Variants in MAGI1 observed in about 807,000 individuals in gnomAD.
MAGI1 encodes the protein membrane associated guanylate kinase, WW and PDZ domain containing 1.
In MAGI1, 58 loss-of-function variants were observed where a neutral mutation model predicts 139.9. The observed-to-expected ratio is 0.41, with a 90% CI of 0.34 to 0.52. The LOEUF (loss-of-function observed/expected upper bound fraction) is 0.52, where lower values mean the gene tolerates loss of function less well. Ranked by LOEUF, MAGI1 falls within the 20% of genes least tolerant of loss-of-function variation. MAGI1 has a pLI of 0.12. For synonymous variants in MAGI1, 812 were observed against 737.9 expected, an observed-to-expected ratio of 1.10 and a Z score of -1.63; for missense variants, 1,874 against 1,901.6, an observed-to-expected ratio of 0.99 and a Z score of 0.27.
intron 1 of MAGI1, among the ~76,000 whole-genome samples, chr3:65,864,653 G>A (rs1238288586): frequency 1.3e-5 from 2 of 152,174 alleles, no homozygotes; most frequent in Non-Finnish European, 2.9e-5. Context: ...AGAGGAGAAG[G>A]TGAAGAATGG....
intron 4 of MAGI1, among the ~76,000 whole-genome samples, chr3:65,474,640 C>T (rs956692662): frequency 6.8e-6 from 1 of 146,312 alleles, no homozygotes; most frequent in African/African-American, 2.4e-5. Flanking sequence ...CACATGCACA[C>T]TCACTCACTC....
chr3:65,911,142 G>C (rs1209658220), intron 1 of MAGI1, among the ~76,000 whole-genome samples: 3 of 151,564 alleles, frequency 2.0e-5, no homozygotes, highest in Non-Finnish European at 2.9e-5. Context: ...ACAAGAGTGA[G>C]CCACAGCGCC....
intron 1 of MAGI1, among the ~76,000 whole-genome samples, chr3:65,985,990 C>A (rs766473350): frequency 2.6e-5 from 4 of 152,178 alleles, no homozygotes; most frequent in Non-Finnish European, 5.9e-5. Context: ...GACGTCTTCC[C>A]TAGTTGATAG....
At chr3:65,573,208 T>A (rs1045844699) in intron 2 of MAGI1, among the ~76,000 whole-genome samples, 5 of 152,036 alleles carry the variant, frequency 3.3e-5, no homozygotes, top group Non-Finnish European at 7.4e-5. Flanking sequence ...ATACAACTCA[T>A]TTTTTCTACT....
At chr3:65,625,075 G>C (rs963590738) in intron 1 of MAGI1, among the ~76,000 whole-genome samples, 18 of 152,088 alleles carry the variant, frequency 1.2e-4, no homozygotes, top group Non-Finnish European at 2.2e-4. Flanking sequence ...GTTTTACCAT[G>C]TTGGCCAGGC....
chr3:65,990,315 G>T (rs180929055), intron 1 of MAGI1, among the ~76,000 whole-genome samples: 1 of 152,190 alleles, frequency 6.6e-6, no homozygotes, highest in Non-Finnish European at 1.5e-5. Context: ...AAAAGTTAAA[G>T]ATTAGGGAGG....
chr3:65,872,297 C>T (rs2108492367), intron 1 of MAGI1, among the ~76,000 whole-genome samples: 1 of 152,286 alleles, frequency 6.6e-6, no homozygotes, highest in Middle Eastern at 3.4e-3. Flanking sequence ...TAGTAAATGG[C>T]AGAGCTAGAA....
chr3:65,548,331 C>T (rs1414668812), intron 2 of MAGI1, among the ~76,000 whole-genome samples: 1 of 152,030 alleles, frequency 6.6e-6, no homozygotes, highest in Non-Finnish European at 1.5e-5. Context: ...GGGCAGTTGG[C>T]ACACAGCTCG....
chr3:65,627,221 C>T (rs887726966), intron 1 of MAGI1, among the ~76,000 whole-genome samples: 2 of 152,098 alleles, frequency 1.3e-5, no homozygotes, highest in African/African-American at 2.4e-5. Context: ...CCAAGAGCAA[C>T]GGGCTATACC....
intron 1 of MAGI1, among the ~76,000 whole-genome samples, chr3:65,748,238 A>G (rs889601585): frequency 2.0e-5 from 3 of 152,174 alleles, no homozygotes; most frequent in Admixed American, 2.0e-4. Flanking sequence ...TTTAATATCT[A>G]TTAGGTAACA....
chr3:65,804,164 T>C (rs752142867), intron 1 of MAGI1, among the ~76,000 whole-genome samples: 5 of 152,128 alleles, frequency 3.3e-5, no homozygotes, highest in Non-Finnish European at 7.4e-5. Flanking sequence ...CATCACACTA[T>C]TAGCTCCTCC....
chr3:65,991,024 C>A (rs1262994059), intron 1 of MAGI1, among the ~76,000 whole-genome samples: 1 of 151,884 alleles, frequency 6.6e-6, no homozygotes, highest in African/African-American at 2.4e-5. Context: ...CACGGTGGCT[C>A]ACACCTGTAA....
At position 65,671,978 on chromosome 3, in the gene MAGI1, C is replaced by T. The variant is rs530029668; in HGVS notation, c.314-49890G>A. On this transcript the variant is annotated intron_variant, in intron 1 of 22. Coordinates refer to ENST00000402939, the MANE Select transcript of MAGI1 (RefSeq NM_001033057.2). ...GATACAAAATTGGGCACAATTATCA[C>T]TACAAAAAGGTTAGTTTCCACTTCA... 9.2e-5 allele frequency among the ~76,000 whole-genome samples: 14 copies of T among 152,254 alleles called. 1 individual carries two copies. In the East Asian group the frequency reaches 2.7e-3, roughly 29 times the overall value.
chr3:65,385,037 C>T (rs1273304877), intron 14 of MAGI1, among the ~76,000 whole-genome samples: 1 of 152,068 alleles, frequency 6.6e-6, no homozygotes, highest in East Asian at 1.9e-4. Flanking sequence ...TATCTCATTG[C>T]CAAAATGACT....
intron 1 of MAGI1, among the ~76,000 whole-genome samples, chr3:65,883,856 T>C (rs1203649714): frequency 6.6e-6 from 1 of 152,058 alleles, no homozygotes; most frequent in Non-Finnish European, 1.5e-5. Flanking sequence ...AAAATGTCAC[T>C]CCCCCGAATA....
At chr3:65,424,415 G>A (rs1471932463) in intron 12 of MAGI1, among the ~76,000 whole-genome samples, 1 of 152,146 alleles carries the variant, frequency 6.6e-6, no homozygotes, top group Non-Finnish European at 1.5e-5. Flanking sequence ...AAGAGTAAGA[G>A]TCAAACACAT....
At chr3:65,424,660 G>A (rs905161418) in intron 12 of MAGI1, among the ~76,000 whole-genome samples, 17 of 152,126 alleles carry the variant, frequency 1.1e-4, no homozygotes, top group African/African-American at 4.1e-4. Context: ...GAATGTGGGA[G>A]CTGAAATGGA....
intron 2 of MAGI1, among the ~76,000 whole-genome samples, chr3:65,544,761 C>T (rs927004541): frequency 6.6e-6 from 1 of 152,068 alleles, no homozygotes; most frequent in South Asian, 2.1e-4. Context: ...CTGATAGCAC[C>T]GGGCCAGTTC....
At chr3:65,952,305 C>G (rs1214764933) in intron 1 of MAGI1, among the ~76,000 whole-genome samples, 3 of 152,142 alleles carry the variant, frequency 2.0e-5, no homozygotes, top group Admixed American at 1.3e-4. Flanking sequence ...ATTTGGTGTT[C>G]ATGACTCATA....
Sources: allele counts gnomAD v4.1 joint callset (sites outside exome capture counted in the v4.1 genomes callset), GRCh38; gene constraint gnomAD v4.1.1; transcripts MANE v1.5; gene names NCBI Gene and HGNC (gene_info 2026-07-23, HGNC 2026-07-21).